Variants in MIX23 observed in about 807,000 individuals in gnomAD.
The protein encoded by MIX23 is protein MIX23.
Under a neutral mutation model 21.6 loss-of-function variants are expected in MIX23, and 13 were observed. That is an observed-to-expected ratio of 0.60 (90% CI 0.39 to 0.96). The LOEUF (loss-of-function observed/expected upper bound fraction) is 0.96. MIX23 is among the 40% of genes least tolerant of loss of function. The pLI, the probability that MIX23 is intolerant of heterozygous loss-of-function variation, is 0.00. For synonymous variants in MIX23, 59 were observed against 58.0 expected, an observed-to-expected ratio of 1.02 and a Z score of -0.08; for missense variants, 144 against 171.2, an observed-to-expected ratio of 0.84 and a Z score of 0.89.
chr3:122,368,825 C>A (rs1280970001), intron 2 of MIX23, among the ~76,000 whole-genome samples: 1 of 152,102 alleles, frequency 6.6e-6, no homozygotes, highest in Non-Finnish European at 1.5e-5. Flanking sequence ...CAATAAATAA[C>A]AAAGAATGCT....
intron 1 of MIX23, among the ~76,000 whole-genome samples, chr3:122,381,396 G>A (rs1455474392): frequency 6.6e-6 from 1 of 152,092 alleles, no homozygotes; most frequent in Non-Finnish European, 1.5e-5. Context: ...CATAAGGGTG[G>A]GCCCTAATCC....
At chr3:122,366,179 AAAATAAATAAATAAATAAATAAAT>A (rs139237017) in intron 3 of MIX23, among the ~76,000 whole-genome samples, 51,537 of 146,906 alleles carry the variant, frequency 0.35, 10,036 homozygotes, top group East Asian at 0.56. Context: ...CTCCATCTCA[AAAATAAATAAATAAATAAATAAAT>A]AAATAAATAA....
chr3:122,362,831 C>A (rs1294264290), intron 4 of MIX23, 137 bp downstream of exon 4: 3 of 331,398 alleles, frequency 9.1e-6, no homozygotes, highest in Admixed American at 3.6e-5. Context: ...AGGTTACAAT[C>A]CTCAATTGTA....
At chr3:122,363,190 G>C (rs1180773663) in intron 3 of MIX23, among the ~76,000 whole-genome samples, 163 bp from the exon 4 acceptor site, 3 of 152,088 alleles carry the variant, frequency 2.0e-5, no homozygotes, top group African/African-American at 7.2e-5. Context: ...AAGCTTCTTT[G>C]ACACAATCAG....
At chr3:122,360,905 G>T (rs372867619) in intron 4 of MIX23, among the ~76,000 whole-genome samples, 1 of 152,070 alleles carries the variant, frequency 6.6e-6, no homozygotes, top group Non-Finnish European at 1.5e-5. Flanking sequence ...GTGCAATGGC[G>T]TGATCTCGGC....
At chr3:122,377,581 G>A (rs1306542191) in intron 1 of MIX23, among the ~76,000 whole-genome samples, 2 of 152,204 alleles carry the variant, frequency 1.3e-5, no homozygotes, top group Non-Finnish European at 2.9e-5. Flanking sequence ...AGGTGTGGTA[G>A]CTCACATCTG....
rs1020537496 is a variant in MIX23, at chr3:122,368,409, T to A, written c.178-87A>T. ...TTTTTCAAAAAAATCCTTGAGACTATAGAAATTCAATACTTTCTAAAACAA... is the reference window on the plus strand; with the variant it reads ...TTTTTCAAAAAAATCCTTGAGACTAAAGAAATTCAATACTTTCTAAAACAA... On this transcript the variant is annotated intron_variant, in intron 2 of 4. Coordinates refer to ENST00000291458, the MANE Select transcript of MIX23 (RefSeq NM_001017928.4). The A allele has an allele frequency of 2.3e-6, 3 of 1,305,700 alleles. No individual in the cohort carries two copies. The Admixed American group carries it at 8.8e-5, about 38-fold the overall frequency. 80.9% of individuals were successfully genotyped at this position (1,305,700 alleles called of 1,614,324 possible). A position where few individuals can be genotyped will look rare whatever the true frequency, so the allele number is the denominator to read the frequency against.
chr3:122,381,452 G>A (rs1319235059), intron 1 of MIX23, among the ~76,000 whole-genome samples: 1 of 152,214 alleles, frequency 6.6e-6, no homozygotes, highest in Non-Finnish European at 1.5e-5. Context: ...TAGGCTGGGC[G>A]CCATGGCTCA....
At chr3:122,377,526 G>A (rs1293053244) in intron 1 of MIX23, among the ~76,000 whole-genome samples, 3 of 152,150 alleles carry the variant, frequency 2.0e-5, no homozygotes, top group African/African-American at 7.2e-5. Context: ...CGGAGGGATT[G>A]GTCATTTGTG....
chr3:122,361,830 T>C (rs2075360978), intron 4 of MIX23, among the ~76,000 whole-genome samples: 1 of 152,190 alleles, frequency 6.6e-6, no homozygotes, highest in African/African-American at 2.4e-5. Flanking sequence ...AGAAATGTGA[T>C]AAAGCAAAGA....
chr3:122,371,666 TAC>T lies in MIX23; in HGVS notation c.177+7_177+8del. On this transcript the variant is annotated splice_region_variant and intron_variant, in intron 2 of 4. Coordinates refer to ENST00000291458, the MANE Select transcript of MIX23 (RefSeq NM_001017928.4). Reference sequence around the variant, plus strand: ...TGAAAGAAGCAAAAGACTCAAAAAATACACTTACAGACTCATAAAGTTGTTTA... The same window carrying T: ...TGAAAGAAGCAAAAGACTCAAAAAATACTTACAGACTCATAAAGTTGTTTA... 1 of 1,611,278 alleles carries T rather than the reference TAC, an allele frequency of 6.2e-7. No individual in the cohort carries two copies. The highest frequency in any genetic ancestry group is 8.5e-7 in the Non-Finnish European group (1 of 1,179,598).
chr3:122,373,060 A>G, intron 1 of MIX23: 1 of 386,656 alleles, frequency 2.6e-6, no homozygotes, highest in Non-Finnish European at 5.0e-6. Context: ...AATTATTATT[A>G]TTATTACTTT....
chr3:122,380,639 A>C (rs751495112), intron 1 of MIX23, among the ~76,000 whole-genome samples: 5 of 152,184 alleles, frequency 3.3e-5, no homozygotes, highest in African/African-American at 1.2e-4. Context: ...GACAAGAGGC[A>C]CTTTGGGATT....
At chr3:122,368,470 G>T in intron 2 of MIX23, 148 bp from the exon 3 acceptor site, 1 of 825,396 alleles carries the variant, frequency 1.2e-6, no homozygotes, top group Non-Finnish European at 1.8e-6. Flanking sequence ...AGAAGATTGT[G>T]TTGAATCAGC....
At chr3:122,367,030 T>C (rs2075402015) in intron 3 of MIX23, among the ~76,000 whole-genome samples, 1 of 151,894 alleles carries the variant, frequency 6.6e-6, no homozygotes, top group Non-Finnish European at 1.5e-5. Flanking sequence ...AGTTTAAGGG[T>C]AAAGTGGTAC....
At chr3:122,360,707 A>T (rs2075352057) in intron 4 of MIX23, among the ~76,000 whole-genome samples, 1 of 152,168 alleles carries the variant, frequency 6.6e-6, no homozygotes, top group Admixed American at 6.5e-5. Flanking sequence ...ACCCCCATAC[A>T]TCATTAATGT....
rs1435818850 is a variant in MIX23, at chr3:122,383,219, C to T, written c.6G>A (p.Ala2=). The T allele has an allele frequency of 1.2e-6, 2 of 1,612,688 alleles. No individual in the cohort carries two copies. Among genetic ancestry groups the T allele is most frequent in the Non-Finnish European group, 1.7e-6 (2 of 1,180,032 alleles). The stretch of plus-strand genomic sequence containing the variant: ...CACAGTTCACACCGCCACTGGGCGC[C>T]GCCATATTGGACAAACACGAGGACC... M[A]APSGGVNCEE... is the part of the protein sequence containing the mutation. The change falls in exon 1 of 5, where the codon GCG becomes GCA. Residue 2 remains alanine, a synonymous_variant. Coordinates refer to ENST00000291458, the MANE Select transcript of MIX23 (RefSeq NM_001017928.4).
intron 1 of MIX23, among the ~76,000 whole-genome samples, chr3:122,379,575 GGA>G (rs1272275654): frequency 6.6e-6 from 1 of 152,138 alleles, no homozygotes; most frequent in East Asian, 1.9e-4. Flanking sequence ...ACTACCTACC[GGA>G]GGCTTAGCCC....
chr3:122,363,302 A>T (rs2075373501), intron 3 of MIX23, among the ~76,000 whole-genome samples: 1 of 148,664 alleles, frequency 6.7e-6, no homozygotes, highest in South Asian at 2.1e-4. Flanking sequence ...GTCAGTTCAC[A>T]GAAGACATAC....
Sources: allele counts gnomAD v4.1 joint callset (sites outside exome capture counted in the v4.1 genomes callset), GRCh38; gene constraint gnomAD v4.1.1; transcripts MANE v1.5; gene names NCBI Gene and HGNC (gene_info 2026-07-23, HGNC 2026-07-21).